PTPRN2: variants seen among roughly 807,000 people sequenced by gnomAD.
PTPRN2 encodes the protein receptor-type tyrosine-protein phosphatase N2.
A neutral mutation model predicts 118.8 loss-of-function variants in PTPRN2; 74 were observed. The observed-to-expected ratio is 0.62, with a 90% CI of 0.52 to 0.76. PTPRN2 has a LOEUF of 0.76. PTPRN2 is among the 30% of genes least tolerant of loss of function. PTPRN2 has a pLI of 0.00. For synonymous variants in PTPRN2, 641 were observed against 608.0 expected (o/e 1.05, Z -0.80); for missense variants, 1,481 against 1,394.4 (o/e 1.06, Z -0.99).
rs1796109277 is a variant in PTPRN2 at position 157,881,240 on chromosome 7, G to A, written c.1788+17433C>T. Among the ~76,000 whole-genome samples, 1 of 149,054 alleles carries A rather than the reference G, an allele frequency of 6.7e-6. No homozygotes were observed. Among genetic ancestry groups the A allele is most frequent in the Non-Finnish European group, 1.5e-5 (1 of 67,668 alleles). Reference sequence around the variant, plus strand: ...TTTACAGTAGTCATTATGGTAAAATGAGGTCATGATGGTATGTGGAGATGG... The same window carrying A: ...TTTACAGTAGTCATTATGGTAAAATAAGGTCATGATGGTATGTGGAGATGG... On this transcript the variant is annotated intron_variant, in intron 12 of 22. Coordinates refer to ENST00000389418, the MANE Select transcript of PTPRN2 (RefSeq NM_002847.5). This position sits in a 1 kb window ranked among gnomAD's most constrained non-coding sequence, Gnocchi z 4.7.
At chr7:157,802,416 C>T (rs950218099) in intron 12 of PTPRN2, among the ~76,000 whole-genome samples, 6 of 152,146 alleles carry the variant, frequency 3.9e-5, no homozygotes, top group African/African-American at 9.7e-5. Flanking sequence ...GCAGGTTGTC[C>T]GTCTTGTCTT....
intron 2 of PTPRN2, among the ~76,000 whole-genome samples, chr7:158,403,177 G>A (rs1182947105): frequency 6.6e-6 from 1 of 152,212 alleles, no homozygotes; most frequent in Non-Finnish European, 1.5e-5. Context: ...CAGAATGCAC[G>A]TGGGCACGTG....
intron 2 of PTPRN2, among the ~76,000 whole-genome samples, chr7:158,366,788 G>A (rs970628478): frequency 2.0e-5 from 3 of 152,232 alleles, no homozygotes; most frequent in Non-Finnish European, 4.4e-5. Context: ...GGTTACCAGA[G>A]ATCCAAAGCT....
chr7:157,768,482 C>T (rs962632860), intron 12 of PTPRN2, among the ~76,000 whole-genome samples: 6 of 152,160 alleles, frequency 3.9e-5, no homozygotes, highest in African/African-American at 7.2e-5. Context: ...TCCCATATCC[C>T]GGCCATGAGA....
rs1444954278 is a variant in PTPRN2, at chr7:158,147,757, A to AC, written c.911-9243dup. Among the ~76,000 whole-genome samples the AC allele has an allele frequency of 1.7e-3, 162 of 97,252 alleles. 1 individual carries two copies. Among genetic ancestry groups the AC allele is most frequent in the African/African-American group, 3.4e-3 (69 of 20,398 alleles). 63.8% of individuals were successfully genotyped at this position (97,252 alleles called of 152,430 possible). On this transcript the variant is annotated intron_variant, in intron 6 of 22. Coordinates refer to ENST00000389418, the MANE Select transcript of PTPRN2 (RefSeq NM_002847.5). Reference sequence around the variant, plus strand: ...CCACGTGTCTTTCCCCCTCAATGACACCCCACCTCACGCCACGTGTTATTC... The same window carrying AC: ...CCACGTGTCTTTCCCCCTCAATGACACCCCCACCTCACGCCACGTGTTATTC...
chr7:158,190,975 G>C (rs62479632), intron 5 of PTPRN2, among the ~76,000 whole-genome samples: 2,844 of 152,362 alleles, frequency 0.019, 31 homozygotes, highest in Middle Eastern at 0.037. Context: ...CTAAGACACA[G>C]AAGTGCCTCA....
At chr7:157,948,673 A>G (rs371257054) in intron 11 of PTPRN2, among the ~76,000 whole-genome samples, 2 of 152,232 alleles carry the variant, frequency 1.3e-5, no homozygotes, top group East Asian at 1.9e-4. Flanking sequence ...ATACATTTTT[A>G]AAAGTATGAC....
At chr7:157,775,699 A>G (rs1690986726) in intron 12 of PTPRN2, among the ~76,000 whole-genome samples, 1 of 152,120 alleles carries the variant, frequency 6.6e-6, no homozygotes. Context: ...CGGAGCCTGG[A>G]CGGAAGCTCC....
chr7:158,471,814 A>G (rs1178411308), intron 2 of PTPRN2, among the ~76,000 whole-genome samples: 1 of 152,214 alleles, frequency 6.6e-6, no homozygotes, highest in Non-Finnish European at 1.5e-5. Flanking sequence ...AAAGCAACCA[A>G]GAAGACTCTG....
intron 1 of PTPRN2, among the ~76,000 whole-genome samples, chr7:158,557,016 G>A (rs1197457205): frequency 1.7e-5 from 2 of 117,120 alleles, no homozygotes; most frequent in African/African-American, 8.2e-5. Flanking sequence ...CACGCAGGTC[G>A]CTCCCACGCA....
intron 12 of PTPRN2, among the ~76,000 whole-genome samples, chr7:157,825,735 C>T (rs567710383): frequency 6.6e-6 from 1 of 152,318 alleles, no homozygotes; most frequent in South Asian, 2.1e-4. Context: ...GCCTTCTCTG[C>T]AGATCTGAGA....
chr7:158,104,814 A>T (rs1272228114), intron 10 of PTPRN2, among the ~76,000 whole-genome samples: 76 of 89,916 alleles, frequency 8.5e-4, no homozygotes, highest in South Asian at 1.1e-3. Context: ...CCAACTCCAC[A>T]CAGCTCCATC....
rs140935538 is a variant in PTPRN2, at chr7:158,296,529, G to A, written c.277+20290C>T. Among the ~76,000 whole-genome samples the A allele has an allele frequency of 2.2e-3, 335 of 152,302 alleles. 2 individuals are homozygous for A. The highest frequency in any genetic ancestry group is 5.9e-3 in the Admixed American group (91 of 15,302). On this transcript the variant is annotated intron_variant, in intron 3 of 22. Transcript: ENST00000389418. ...TTGCAATAAGGCAGAGGGTCTAATT[G>A]AGCTGGTTAACACAAGCCGCCCACA...
intron 11 of PTPRN2, among the ~76,000 whole-genome samples, chr7:157,982,598 A>G (rs1803360247): frequency 7.5e-6 from 1 of 133,154 alleles, no homozygotes. Context: ...AGGGGAATGC[A>G]GAGTGCAGGG....
At chr7:158,454,298 A>G (rs1023451449) in intron 2 of PTPRN2, among the ~76,000 whole-genome samples, 6 of 151,508 alleles carry the variant, frequency 4.0e-5, no homozygotes, top group Non-Finnish European at 7.4e-5. Flanking sequence ...AGGACAGACA[A>G]GACACAACAC....
chr7:158,027,264 C>T (rs914106333), intron 11 of PTPRN2: 1 of 152,252 alleles, frequency 6.6e-6, no homozygotes, highest in African/African-American at 2.4e-5. Context: ...AAAGCCACCT[C>T]GTCTCCTGGC....
chr7:158,270,770 G>GCCCCC (rs1563067039), intron 3 of PTPRN2, among the ~76,000 whole-genome samples: 1 of 78,574 alleles, frequency 1.3e-5, no homozygotes, highest in African/African-American at 6.0e-5. Flanking sequence ...GGACCACCCC[G>GCCCCC]TCCACCTGGA....
At chr7:157,788,879 G>C (rs1285804993) in intron 12 of PTPRN2, among the ~76,000 whole-genome samples, 1 of 152,220 alleles carries the variant, frequency 6.6e-6, no homozygotes, top group East Asian at 1.9e-4. Context: ...TATGCTGGAG[G>C]CCGCTGGAAC....
At chr7:158,479,052 C>G (rs534295836) in intron 2 of PTPRN2, among the ~76,000 whole-genome samples, 1 of 152,048 alleles carries the variant, frequency 6.6e-6, no homozygotes, top group African/African-American at 2.4e-5. Flanking sequence ...ACAGGACCCA[C>G]GAGTGAGTGT....
Sources: allele counts gnomAD v4.1 joint callset (sites outside exome capture counted in the v4.1 genomes callset), GRCh38; gene constraint gnomAD v4.1.1; non-coding constraint Gnocchi (gnomAD v3.1); transcripts MANE v1.5; gene names NCBI Gene and HGNC (gene_info 2026-07-23, HGNC 2026-07-21).